Variants in SNX29 observed in about 807,000 individuals in gnomAD.
SNX29 encodes sorting nexin-29.
A neutral mutation model predicts 102.1 loss-of-function variants in SNX29; 78 were observed. The ratio of observed to expected loss-of-function variants is 0.76; its 90% CI spans 0.64 to 0.92. The LOEUF (loss-of-function observed/expected upper bound fraction) is 0.92. Ranked by LOEUF, SNX29 falls within the 40% of genes least tolerant of loss-of-function variation. The pLI, the probability that SNX29 is intolerant of heterozygous loss-of-function variation, is 0.00. For missense variants in SNX29, 1,280 were observed against 1,061.7 expected, an observed-to-expected ratio of 1.21 and a Z score of -2.86; for synonymous variants, 580 against 414.5, an observed-to-expected ratio of 1.40 and a Z score of -4.85.
At chr16:12,540,842 T>C (rs2077301474) in intron 20 of SNX29, among the ~76,000 whole-genome samples, 1 of 152,178 alleles carries the variant, frequency 6.6e-6, no homozygotes, top group Non-Finnish European at 1.5e-5. Flanking sequence ...CAAGATCGCC[T>C]CCACCCTTTC....
chr16:12,021,334 G>A (rs2057012988), intron 3 of SNX29, among the ~76,000 whole-genome samples: 1 of 152,054 alleles, frequency 6.6e-6, no homozygotes, highest in African/African-American at 2.4e-5. Flanking sequence ...GCTGAGGCAG[G>A]ACAATTGCTT....
intron 15 of SNX29, among the ~76,000 whole-genome samples, chr16:12,346,295 G>T (rs971647388): frequency 2.6e-5 from 4 of 152,100 alleles, no homozygotes; most frequent in Non-Finnish European, 5.9e-5. Flanking sequence ...CACTTCTGCT[G>T]GTGCCTCTTT....
chr16:12,229,600 T>G lies in SNX29; in HGVS notation c.1678+29917T>G, dbSNP rs537980233. ...CAATTCCCTTTGAAGAATGGTGGGGTTTTTTTTTTTTGACTGTCACATGAT... is the reference window on the plus strand; with the variant it reads ...CAATTCCCTTTGAAGAATGGTGGGGGTTTTTTTTTTTGACTGTCACATGAT... On this transcript the variant is annotated intron_variant, in intron 14 of 20. Coordinates refer to ENST00000566228, the MANE Select transcript of SNX29 (RefSeq NM_032167.5). 1.1e-3 allele frequency among the ~76,000 whole-genome samples: 144 copies of G among 131,846 alleles called. 1 individual carries two copies. The highest frequency in any genetic ancestry group is 1.9e-3 in the Admixed American group (26 of 13,946). 86.5% of individuals were successfully genotyped at this position (131,846 alleles called of 152,430 possible). A position where few individuals can be genotyped will look rare whatever the true frequency, so the allele number is the denominator to read the frequency against.
chr16:12,427,068 T>C (rs980587584), intron 18 of SNX29, among the ~76,000 whole-genome samples: 1 of 152,186 alleles, frequency 6.6e-6, no homozygotes, highest in African/African-American at 2.4e-5. Flanking sequence ...TAGTTTAGGC[T>C]CATTTTTAAA....
At chr16:12,214,088 C>A (rs2077259432) in intron 14 of SNX29, among the ~76,000 whole-genome samples, 1 of 152,160 alleles carries the variant, frequency 6.6e-6, no homozygotes, top group Non-Finnish European at 1.5e-5. Context: ...TCTCTGGCGA[C>A]CTCCATTAAG....
chr16:12,480,909 C>G (rs1333567305), intron 19 of SNX29, among the ~76,000 whole-genome samples: 1 of 152,102 alleles, frequency 6.6e-6, no homozygotes, highest in Non-Finnish European at 1.5e-5. Flanking sequence ...CAAAGTCTTA[C>G]TCTGTTCCCA....
intron 15 of SNX29, among the ~76,000 whole-genome samples, chr16:12,285,159 G>C (rs781327643): frequency 2.6e-5 from 4 of 152,170 alleles, no homozygotes; most frequent in Non-Finnish European, 5.9e-5. Context: ...CTTTGTATCC[G>C]TATGTAATCA....
intron 13 of SNX29, among the ~76,000 whole-genome samples, chr16:12,130,159 A>G (rs1034482673): frequency 6.8e-6 from 1 of 147,248 alleles, no homozygotes; most frequent in African/African-American, 2.5e-5. Flanking sequence ...ACCTGAGCAC[A>G]CGTTCACCTG....
At chr16:12,524,150 C>T (rs927171753) in intron 19 of SNX29, among the ~76,000 whole-genome samples, 32 of 152,266 alleles carry the variant, frequency 2.1e-4, no homozygotes, top group Non-Finnish European at 2.4e-4. Context: ...CATCGTGGCC[C>T]ACGCGTCCTA....
intron 18 of SNX29, among the ~76,000 whole-genome samples, chr16:12,448,829 G>C (rs1296610987): frequency 1.3e-5 from 2 of 152,158 alleles, no homozygotes; most frequent in Admixed American, 6.5e-5. Flanking sequence ...CTTGCATCCA[G>C]CTCTACCCAT....
chr16:12,549,231 C>T (rs1445503304), intron 20 of SNX29, among the ~76,000 whole-genome samples: 8 of 152,212 alleles, frequency 5.3e-5, no homozygotes, highest in African/African-American at 1.4e-4. Flanking sequence ...CATGGTGGCT[C>T]ATCCCTGTAA....
chr16:12,554,828 C>T lies in SNX29; in HGVS notation c.2319-13678C>T, dbSNP rs146548289. On this transcript the variant is annotated intron_variant, in intron 20 of 20. Coordinates refer to ENST00000566228, the MANE Select transcript of SNX29 (RefSeq NM_032167.5). The stretch of plus-strand genomic sequence containing the variant: ...ATTTGTATTGAGCACCTGCTCTGTG[C>T]CATTCTTTCCGTAGGTGCCAGGGTG... 1.4e-3 allele frequency among the ~76,000 whole-genome samples: 207 copies of T among 152,278 alleles called. 1 individual carries two copies. Among genetic ancestry groups the T allele is most frequent in the African/African-American group, 4.6e-3 (190 of 41,552 alleles).
intron 18 of SNX29, among the ~76,000 whole-genome samples, chr16:12,458,559 G>T (rs1488589127): frequency 6.6e-6 from 1 of 152,216 alleles, no homozygotes. Flanking sequence ...CCTGTTTCTA[G>T]AGGGAGAAAG....
At position 12,326,753 on chromosome 16, in the gene SNX29, G is replaced by A. The variant is rs776759864; in HGVS notation, c.1783-29410G>A. Reference sequence around the variant, plus strand: ...TGCTGTTGTTTTCTTGGAGTACAGTGGATATTATACTAGCTTGTGGTACTG... The same window carrying A: ...TGCTGTTGTTTTCTTGGAGTACAGTAGATATTATACTAGCTTGTGGTACTG... On this transcript the variant is annotated intron_variant, in intron 15 of 20. Coordinates refer to ENST00000566228, the MANE Select transcript of SNX29 (RefSeq NM_032167.5). 5.5e-3 allele frequency among the ~76,000 whole-genome samples: 211 copies of A among 38,566 alleles called. No homozygotes were observed. The Middle Eastern group carries it at 0.076, about 14-fold the overall frequency. The allele number at this position is 38,566 out of a possible 152,430, so 25.3% of individuals were successfully genotyped here. A position where few individuals can be genotyped will look rare whatever the true frequency, so the allele number is the denominator to read the frequency against.
intron 14 of SNX29, among the ~76,000 whole-genome samples, chr16:12,274,187 A>T (rs901995324): frequency 2.6e-5 from 4 of 152,354 alleles, no homozygotes; most frequent in African/African-American, 4.8e-5. Context: ...GCCTGGGTGT[A>T]TAAGGCTCAA....
chr16:12,544,937 C>T (rs894666805), intron 20 of SNX29, among the ~76,000 whole-genome samples: 5 of 152,214 alleles, frequency 3.3e-5, no homozygotes, highest in African/African-American at 1.2e-4. Flanking sequence ...ATCCCTTGTT[C>T]ACTGTATTTC....
rs142403049 is a variant in SNX29, at chr16:12,513,763, G to A, written c.2179-10939G>A. 4.7e-4 allele frequency among the ~76,000 whole-genome samples: 71 copies of A among 152,306 alleles called. 1 individual carries two copies. The highest frequency in any genetic ancestry group is 1.4e-3 in the African/African-American group (59 of 41,568). On this transcript the variant is annotated intron_variant, in intron 19 of 20. Transcript: ENST00000566228. Reference sequence around the variant, plus strand: ...CAAATTAATCAGGGGAGGCCACTTCGTGAAGCTTTGCTAACAGCGCCCAGT... The same window carrying A: ...CAAATTAATCAGGGGAGGCCACTTCATGAAGCTTTGCTAACAGCGCCCAGT...
intron 13 of SNX29, among the ~76,000 whole-genome samples, chr16:12,192,783 A>C (rs2076676726): frequency 6.6e-6 from 1 of 151,970 alleles, no homozygotes; most frequent in Non-Finnish European, 1.5e-5. Flanking sequence ...GCTCACTGCA[A>C]CCTCTGCCTC....
intron 16 of SNX29, among the ~76,000 whole-genome samples, chr16:12,377,209 A>G (rs1365150240): frequency 6.6e-6 from 1 of 152,202 alleles, no homozygotes; most frequent in Non-Finnish European, 1.5e-5. Flanking sequence ...AACAGGGTGT[A>G]GTATATTAGT....
Sources: allele counts gnomAD v4.1 joint callset (sites outside exome capture counted in the v4.1 genomes callset), GRCh38; gene constraint gnomAD v4.1.1; transcripts MANE v1.5; gene names NCBI Gene and HGNC (gene_info 2026-07-23, HGNC 2026-07-21).